Variants in C2 observed in about 807,000 individuals in gnomAD.
The protein encoded by C2 is complement C2.
Under a neutral mutation model 85.2 loss-of-function variants are expected in C2, and 64 were observed. That is an observed-to-expected ratio of 0.75 (90% CI 0.61 to 0.92). The LOEUF is 0.92. Among genes scored for constraint, C2 ranks in the 40% least tolerant of loss-of-function variants. The pLI is 0.00. For missense variants in C2, 820 were observed against 971.6 expected (o/e 0.84, Z 2.07); for synonymous variants, 311 against 370.8 (o/e 0.84, Z 1.85).
intron 5 of C2, 51 bp from the exon 6 acceptor site, chr6:31,934,115 A>G: frequency 6.2e-7 from 1 of 1,604,570 alleles, no homozygotes; most frequent in Non-Finnish European, 8.5e-7. Flanking sequence ...GCTTGGCGAG[A>G]GCGCAGGAAG....
upstream of C2, among the ~76,000 whole-genome samples, chr6:31,927,139 T>A (rs1208595685): frequency 6.6e-6 from 1 of 152,166 alleles, no homozygotes. This position sits in a 1 kb window ranked among gnomAD's most constrained non-coding sequence, Gnocchi z 4.7. Flanking sequence ...TAGGGAAGGA[T>A]TGTAGGGAAT....
At chr6:31,898,126 T>C (rs551298766), upstream of C2, among the ~76,000 whole-genome samples, 28 of 152,338 alleles carry the variant, frequency 1.8e-4, no homozygotes, top group South Asian at 5.6e-3. Flanking sequence ...GAAGGGGCGA[T>C]AGGGACGCGG....
At chr6:31,918,668 G>C (rs1768730195), upstream of C2, among the ~76,000 whole-genome samples, 1 of 151,766 alleles carries the variant, frequency 6.6e-6, no homozygotes, top group Non-Finnish European at 1.5e-5. Flanking sequence ...GGGAGGCCGA[G>C]GTGGGCGGAT....
intron 3 of C2, among the ~76,000 whole-genome samples, chr6:31,929,655 T>C (rs1189129452): frequency 7.0e-6 from 1 of 143,852 alleles, no homozygotes; most frequent in Non-Finnish European, 1.5e-5. Context: ...GAAGTGGAGA[T>C]TGCAGTGAGC....
At chr6:31,918,211 G>A (rs1409227707), upstream of C2, among the ~76,000 whole-genome samples, 2 of 151,906 alleles carry the variant, frequency 1.3e-5, no homozygotes, top group Admixed American at 1.3e-4. Context: ...TGGAAGCCCA[G>A]GAGTTTGAGG....
chr6:31,929,750 TCGGTG>T (rs1218853828), intron 3 of C2, among the ~76,000 whole-genome samples: 1 of 92,902 alleles, frequency 1.1e-5, no homozygotes. Context: ...AATGCCAGCC[TCGGTG>T]CCTCACGCCT....
chr6:31,918,162 G>A (rs939663904), upstream of C2, among the ~76,000 whole-genome samples: 3 of 152,072 alleles, frequency 2.0e-5, no homozygotes, highest in Non-Finnish European at 1.5e-5. Context: ...GCATATGCCT[G>A]TAATCTCAGC....
chr6:31,905,486 G>T (rs1767653743), intron 1 of C2, among the ~76,000 whole-genome samples: 1 of 151,730 alleles, frequency 6.6e-6, no homozygotes, highest in South Asian at 2.1e-4. Flanking sequence ...TAAAATCTGG[G>T]CTGGGCACTG....
Position 31,904,662 on chromosome 6 carries a change from G to T in C2, c.73+3523G>T, listed in dbSNP as rs975843302. Among the ~76,000 whole-genome samples, 1 of 152,006 alleles carries T rather than the reference G, an allele frequency of 6.6e-6. No homozygotes were observed. The highest frequency in any genetic ancestry group is 1.5e-5 in the Non-Finnish European group (1 of 68,022). ...TTTTCTATCTCATCTCTTCTTTTCC[G>T]CATTGCCAAACTTCTCAGAAGAATA... On this transcript the variant is annotated intron_variant, in intron 1 of 3. Coordinates refer to the C2 transcript ENST00000452202. The surrounding 1 kb of genome is among the most constrained non-coding windows in gnomAD (Gnocchi z 4.4).
In C2 at chr6:31,904,982, T is replaced by C. The variant is rs944116910; in HGVS notation, c.73+3843T>C. 2.0e-5 allele frequency among the ~76,000 whole-genome samples: 3 copies of C among 152,010 alleles called. No homozygotes were observed. Among genetic ancestry groups the C allele is most frequent in the African/African-American group, 7.3e-5 (3 of 41,340 alleles). ...TGGTGGAGAGATGATGTGGAGCCAT[T>C]TCCCATGCATCCCATCCAGGGGGTT... On this transcript the variant is annotated intron_variant, in intron 1 of 3. Transcript: ENST00000452202. This position sits in a 1 kb window ranked among gnomAD's most constrained non-coding sequence, Gnocchi z 4.4.
chr6:31,928,132 C>T lies in C2; in HGVS notation c.224C>T (p.Ala75Val). ...AGCGGACAGTGGCAGACCCCAGGAG[C>T]CACCCGGTCTCTGTCTAAGGCGGTC... The part of the protein sequence containing the change: ...KSSGQWQTPG[A>V]TRSLSKAVCK... The change falls in exon 2 of 18, where the codon GCC (alanine) becomes GTC (valine). Residue 75 changes from alanine (A) to valine (V), a missense_variant. Ala to Val is a moderately conservative substitution (Grantham distance 64). Coordinates refer to ENST00000299367, the MANE Select transcript of C2 (RefSeq NM_000063.6). 3 of 1,612,682 alleles carry T rather than the reference C, an allele frequency of 1.9e-6. No homozygotes were observed. Among genetic ancestry groups the T allele is most frequent in the Non-Finnish European group, 2.5e-6 (3 of 1,179,932 alleles).
chr6:31,929,366 A>C (rs1769535095), intron 3 of C2, among the ~76,000 whole-genome samples: 1 of 152,170 alleles, frequency 6.6e-6, no homozygotes, highest in Non-Finnish European at 1.5e-5. Context: ...TCTGTAAGAC[A>C]AGGATAGTGA....
At chr6:31,926,458 G>A (rs1416319858), upstream of C2, among the ~76,000 whole-genome samples, 6 of 149,080 alleles carry the variant, frequency 4.0e-5, no homozygotes, top group Non-Finnish European at 7.4e-5. Flanking sequence ...TCAGCCTCCC[G>A]AGTAGCTGGG....
At chr6:31,901,163 T>C in intron 1 of C2, 1 of 1,613,702 alleles carries the variant, frequency 6.2e-7, no homozygotes, top group Non-Finnish European at 8.5e-7. Context: ...CAAGATGACC[T>C]TGTGGCCTCG....
chr6:31,918,226 C>T (rs898242549), upstream of C2, among the ~76,000 whole-genome samples: 5 of 144,546 alleles, frequency 3.5e-5, no homozygotes, highest in South Asian at 6.8e-4. Flanking sequence ...TTGAGGCTGC[C>T]GTGAGCTATG....
Position 31,943,581 on chromosome 6 carries a change from C to T in C2, c.1567+54C>T. On this transcript the variant is annotated intron_variant, in intron 12 of 17. Transcript: ENST00000299367. The surrounding 1 kb of genome is among the most constrained non-coding windows in gnomAD (Gnocchi z 6.4). ...ATCCTGAAGCCACAGATCCTACCAC[C>T]TCACCCAGCCTCTGGCCCCTGCAGG... 2.5e-6 allele frequency: 4 copies of T among 1,608,266 alleles called. No homozygotes were observed. Among genetic ancestry groups the T allele is most frequent in the Non-Finnish European group, 3.4e-6 (4 of 1,175,726 alleles).
chr6:31,913,401 C>T (rs541043087), intron 1 of C2, among the ~76,000 whole-genome samples: 3 of 152,100 alleles, frequency 2.0e-5, no homozygotes, highest in Non-Finnish European at 4.4e-5. Flanking sequence ...CATGGTGAAC[C>T]GCTATCTCTA....
chr6:31,923,111 G>C (rs922975957), upstream of C2, among the ~76,000 whole-genome samples: 1 of 152,184 alleles, frequency 6.6e-6, no homozygotes, highest in Non-Finnish European at 1.5e-5. Flanking sequence ...ACAAGAAATA[G>C]AGAAGCCAAG....
intron 1 of C2, among the ~76,000 whole-genome samples, chr6:31,910,728 C>T (rs1181451912): frequency 6.6e-6 from 1 of 151,992 alleles, no homozygotes; most frequent in African/African-American, 2.4e-5. Context: ...ACCTGTAATC[C>T]CAGCACTTTG....
Sources: allele counts gnomAD v4.1 joint callset (sites outside exome capture counted in the v4.1 genomes callset), GRCh38; gene constraint gnomAD v4.1.1; non-coding constraint Gnocchi (gnomAD v3.1); transcripts MANE v1.5; gene names NCBI Gene and HGNC (gene_info 2026-07-23, HGNC 2026-07-21).